Variants in ATXN2 observed in about 807,000 individuals in gnomAD.
ATXN2 encodes ataxin-2.
ATXN2 carries 37 observed loss-of-function variants against 138.6 expected under a neutral mutation model. The ratio of observed to expected loss-of-function variants is 0.27; its 90% CI spans 0.21 to 0.35. The LOEUF (loss-of-function observed/expected upper bound fraction) is 0.35. Ranked by LOEUF, ATXN2 falls within the 10% of genes least tolerant of loss-of-function variation. The pLI is 1.00. For synonymous variants in ATXN2, 549 were observed against 543.7 expected (o/e 1.01, Z -0.13); for missense variants, 1,216 against 1,480.3 (o/e 0.82, Z 2.93).
rs563009989 is a variant in ATXN2, at chr12:111,516,119, A to G, written c.1375+35T>C. On this transcript the variant is annotated intron_variant, in intron 10 of 24. Coordinates refer to ENST00000673436, the MANE Select transcript of ATXN2 (RefSeq NM_001372574.1). The surrounding 1 kb of genome is among the most constrained non-coding windows in gnomAD (Gnocchi z 5.0). ...AAACTCACATAGGAGTTAAACAAAG[A>G]CAAACAAAAACATGAACAAATTGTG... 1 of 1,564,548 alleles carries G rather than the reference A, an allele frequency of 6.4e-7. No individual in the cohort carries two copies. The highest frequency in any genetic ancestry group is 1.4e-5 in the African/African-American group (1 of 72,622).
intron 1 of ATXN2, among the ~76,000 whole-genome samples, chr12:111,573,617 T>C (rs753005775): frequency 6.6e-6 from 1 of 152,172 alleles, no homozygotes; most frequent in Non-Finnish European, 1.5e-5. Flanking sequence ...TCACTTCCTA[T>C]CTCTTTGACC....
chr12:111,464,690 C>T lies in ATXN2; in HGVS notation c.2868G>A (p.Lys956=), dbSNP rs1008291899. 6.8e-6 allele frequency: 11 copies of T among 1,610,740 alleles called. No individual in the cohort carries two copies. Among genetic ancestry groups the T allele is most frequent in the Non-Finnish European group, 9.3e-6 (11 of 1,177,662 alleles). ...CAAAGTAGAAAGAAGGGCTTGTCTC[C>T]TTGTTGTATGGTAATTTGGGACATG... ...MYACPKLPYN[K]ETSPSFYFAI... is the part of the protein sequence containing the mutation. Residue 956 remains lysine (K), a synonymous_variant, in exon 21 of 25, where the codon AAG becomes AAA. Coordinates refer to ENST00000673436, the MANE Select transcript of ATXN2 (RefSeq NM_001372574.1).
chr12:111,522,228 T>TTAA (rs1178661178), intron 6 of ATXN2, among the ~76,000 whole-genome samples: 4 of 108,138 alleles, frequency 3.7e-5, no homozygotes, highest in Admixed American at 9.4e-5. Flanking sequence ...ATGCCCTACA[T>TTAA]AAAAAAAAAA....
chr12:111,475,645 C>T (rs1193554457), intron 18 of ATXN2, among the ~76,000 whole-genome samples: 2 of 151,136 alleles, frequency 1.3e-5, no homozygotes, highest in African/African-American at 4.9e-5. Context: ...TGCCTGCCAC[C>T]GGGCCCAGCC....
intron 20 of ATXN2, among the ~76,000 whole-genome samples, chr12:111,467,238 A>ACTCAAGT (rs1314955434): frequency 6.8e-6 from 1 of 148,030 alleles, no homozygotes; most frequent in Non-Finnish European, 1.5e-5. Context: ...AAAGTCCTGG[A>ACTCAAGT]CTCAAGTGAT....
At chr12:111,526,405 T>TC (rs1243652690) in intron 5 of ATXN2, among the ~76,000 whole-genome samples, 1 of 114,630 alleles carries the variant, frequency 8.7e-6, no homozygotes, top group African/African-American at 6.9e-5. Context: ...AAATATCTCT[T>TC]TTTTTTTTTT....
intron 5 of ATXN2, among the ~76,000 whole-genome samples, chr12:111,529,148 G>T (rs1337142437): frequency 6.6e-6 from 1 of 151,914 alleles, no homozygotes. Flanking sequence ...AAAAAACACT[G>T]TTGGTAGTAA....
chr12:111,583,665 G>A (rs1352825278), intron 1 of ATXN2, among the ~76,000 whole-genome samples: 1 of 150,172 alleles, frequency 6.7e-6, no homozygotes. Context: ...TATTCAGGAG[G>A]CTGAGGCAGG....
chr12:111,525,920 G>A (rs1347048417), intron 5 of ATXN2, among the ~76,000 whole-genome samples: 2 of 151,968 alleles, frequency 1.3e-5, no homozygotes, highest in East Asian at 1.9e-4. Flanking sequence ...CTGACCTAGT[G>A]ATACCCCCAC....
chr12:111,545,581 A>C (rs1227603285), intron 5 of ATXN2, among the ~76,000 whole-genome samples: 2 of 152,074 alleles, frequency 1.3e-5, no homozygotes. Context: ...AGAAAAAGAA[A>C]AAGAGAACAA....
At chr12:111,510,120 T>A (rs2093830535) in intron 12 of ATXN2, 122 bp from the exon 13 acceptor site, 1 of 795,956 alleles carries the variant, frequency 1.3e-6, no homozygotes, top group East Asian at 2.7e-5. Flanking sequence ...AACAGAGGCT[T>A]TTTTTCCTTT....
intron 18 of ATXN2, among the ~76,000 whole-genome samples, chr12:111,475,252 G>A (rs1288998105): frequency 6.7e-6 from 1 of 149,716 alleles, no homozygotes; most frequent in Non-Finnish European, 1.5e-5. Flanking sequence ...GCTGAGGCAG[G>A]AGAATTGCTT....
chr12:111,581,501 A>G (rs1017680578), intron 1 of ATXN2: 40 of 1,030,734 alleles, frequency 3.9e-5, no homozygotes, highest in Admixed American at 3.6e-4. Flanking sequence ...TGCTCCCCCA[A>G]TGTCCACCGT....
intron 5 of ATXN2, among the ~76,000 whole-genome samples, chr12:111,544,676 A>C (rs974844515): frequency 6.6e-6 from 1 of 152,206 alleles, no homozygotes; most frequent in Non-Finnish European, 1.5e-5. Flanking sequence ...GAAGGAAAAG[A>C]AGCCCAGGAA....
chr12:111,491,089 T>C (rs1187974762), intron 14 of ATXN2, among the ~76,000 whole-genome samples: 1 of 151,880 alleles, frequency 6.6e-6, no homozygotes, highest in Non-Finnish European at 1.5e-5. Context: ...TCATCTCTAC[T>C]AAAAAACAAA....
intron 23 of ATXN2, chr12:111,454,839 A>G: frequency 1.9e-6 from 1 of 523,672 alleles, no homozygotes; most frequent in East Asian, 3.1e-5. Flanking sequence ...TCACATGCCT[A>G]CTTAGCCACC....
At chr12:111,585,384 G>A (rs1236975252) in intron 1 of ATXN2, among the ~76,000 whole-genome samples, 1 of 151,364 alleles carries the variant, frequency 6.6e-6, no homozygotes, top group Non-Finnish European at 1.5e-5. Flanking sequence ...GTGGTGGCGG[G>A]CACCCGTAAT....
At chr12:111,588,294 T>C (rs1479225271) in intron 1 of ATXN2, among the ~76,000 whole-genome samples, 2 of 152,096 alleles carry the variant, frequency 1.3e-5, no homozygotes, top group Admixed American at 6.6e-5. Flanking sequence ...TGTAAGAATC[T>C]TTAAATGTTA....
chr12:111,564,189 T>C (rs758966889), intron 1 of ATXN2, among the ~76,000 whole-genome samples: 4 of 152,068 alleles, frequency 2.6e-5, no homozygotes, highest in Non-Finnish European at 4.4e-5. Flanking sequence ...CTTGGACAAA[T>C]GAAAACCTAA....
Sources: allele counts gnomAD v4.1 joint callset (sites outside exome capture counted in the v4.1 genomes callset), GRCh38; gene constraint gnomAD v4.1.1; non-coding constraint Gnocchi (gnomAD v3.1); transcripts MANE v1.5; gene names NCBI Gene and HGNC (gene_info 2026-07-23, HGNC 2026-07-21).